Variants in GOLGA4 observed in about 807,000 individuals in gnomAD.
GOLGA4 encodes the protein golgin A4.
In GOLGA4, 169 loss-of-function variants were observed where a neutral mutation model predicts 265.9. That is an observed-to-expected ratio of 0.64 (90% CI 0.56 to 0.72). The LOEUF is 0.72. Ranked by LOEUF, GOLGA4 falls within the 30% of genes least tolerant of loss-of-function variation. The pLI, the probability that GOLGA4 is intolerant of heterozygous loss-of-function variation, is 0.00. For missense variants in GOLGA4, 2,482 were observed against 2,483.4 expected, an observed-to-expected ratio of 1.00 and a Z score of 0.01; for synonymous variants, 923 against 855.8, an observed-to-expected ratio of 1.08 and a Z score of -1.37.
In GOLGA4 at chr3:37,282,274, T is replaced by C. The variant is rs764745609; in HGVS notation, c.477+2T>C. On this transcript the variant is annotated splice_donor_variant, in intron 3 of 23. Coordinates refer to ENST00000361924, the MANE Select transcript of GOLGA4 (RefSeq NM_002078.5). LOFTEE classifies it high-confidence loss of function. ...AGCTACAGGGGAAAATATTCTGAGG[T>C]AGGAGCATGACCTTTTTGCCTGTAC... 1.9e-6 allele frequency: 3 copies of C among 1,611,322 alleles called. No individual in the cohort carries two copies. Among genetic ancestry groups the C allele is most frequent in the Middle Eastern group, 3.3e-4 (2 of 6,072 alleles).
In GOLGA4 at chr3:37,286,134, C is replaced by CTTTTTTTTTTTTTTTTT. The variant is rs1559383108; in HGVS notation, c.525+76_525+77insTTTTTTTTTTTTTTTTT. The CTTTTTTTTTTTTTTTTT allele has an allele frequency of 3.4e-5, 5 of 145,648 alleles. 2 individuals carry two copies. The highest frequency in any genetic ancestry group is 1.2e-4 in the African/African-American group (3 of 24,232). The allele number at this position is 145,648 out of a possible 1,614,324, so 9.0% of individuals were successfully genotyped here. A position where few individuals can be genotyped will look rare whatever the true frequency, so the allele number is the denominator to read the frequency against. ...AAAGATCTTATATAGTAAGATATTT[C>CTTTTTTTTTTTTTTTTT]TTTCTTTTTTTTTTTTTTTTTTTTT... On this transcript the variant is annotated intron_variant, in intron 4 of 23. Coordinates refer to ENST00000361924, the MANE Select transcript of GOLGA4 (RefSeq NM_002078.5).
intron 19 of GOLGA4, among the ~76,000 whole-genome samples, 167 bp from the exon 20 acceptor site, chr3:37,339,956 GT>G (rs950068698): frequency 2.3e-4 from 34 of 146,680 alleles, no homozygotes; most frequent in Admixed American, 1.0e-3. Flanking sequence ...TTTAGTTTTA[GT>G]TTTTTTTTTC....
chr3:37,267,491 C>T (rs9809041), intron 2 of GOLGA4, among the ~76,000 whole-genome samples: 4,010 of 152,118 alleles, frequency 0.026, 170 homozygotes, highest in African/African-American at 0.091. Context: ...AAGTGACTGG[C>T]GTCATACGGT....
rs556995010 is a variant in GOLGA4, at chr3:37,299,312, A to C, written c.1027A>C (p.Lys343Gln). 1 of 1,612,798 alleles carries C rather than the reference A, an allele frequency of 6.2e-7. No individual in the cohort carries two copies. The highest frequency in any genetic ancestry group is 2.2e-5 in the East Asian group (1 of 44,842). The change falls in exon 9 of 24, where the codon AAA becomes CAA. Residue 343 changes from lysine (K) to glutamine (Q), a missense_variant. This residue lies in a region of GOLGA4 where 1,536 missense variants were observed against 1,483.7 expected (regional missense o/e 1.04). Coordinates refer to ENST00000361924, the MANE Select transcript of GOLGA4 (RefSeq NM_002078.5). ...GGACCTTCATATGGCCGAGAAGACT[A>C]AACTTATCACTCAGTTGCGTGATGC... ...IKDLHMAEKT[K>Q]LITQLRDAKN...
At chr3:37,270,117 C>T (rs976991407) in intron 2 of GOLGA4, among the ~76,000 whole-genome samples, 4 of 150,700 alleles carry the variant, frequency 2.7e-5, no homozygotes, top group African/African-American at 9.8e-5. Flanking sequence ...TGGTCTTGAA[C>T]TCCTGACCTC....
chr3:37,319,214 T>C lies in GOLGA4; in HGVS notation c.1545+20T>C. 1.3e-6 allele frequency: 2 copies of C among 1,584,504 alleles called. No individual in the cohort carries two copies. Among genetic ancestry groups the C allele is most frequent in the Non-Finnish European group, 8.6e-7 (1 of 1,166,706 alleles). ...GCTCTTGTAAGTGACTATTTTTTTT[T>C]TTCTGCTATAGGTATACTTCTCAGA... On this transcript the variant is annotated intron_variant, in intron 12 of 23. Transcript: ENST00000361924.
In GOLGA4 at chr3:37,323,867, GA is replaced by G; in HGVS notation, c.1982del (p.Glu661GlyfsTer8). 1 of 1,612,278 alleles carries G rather than the reference GA, an allele frequency of 6.2e-7. No individual in the cohort carries two copies. Among genetic ancestry groups the G allele is most frequent in the Non-Finnish European group, 8.5e-7 (1 of 1,179,634 alleles). The stretch of plus-strand genomic sequence containing the variant: ...AAAAGAAACATTGTTGAAAGACAAA[GA>G]GATTATCTTCCAGGCCCACATAGAA... ...QEKETLLKDK[E>X]IIFQAHIEEM... On this transcript the variant is annotated frameshift_variant, in exon 14 of 24. Transcript: ENST00000361924. LOFTEE classifies it high-confidence loss of function.
At chr3:37,341,524 C>T (rs899338436) in intron 20 of GOLGA4, 1 of 152,052 alleles carries the variant, frequency 6.6e-6, no homozygotes, top group African/African-American at 2.4e-5. Flanking sequence ...AACTGGAGCT[C>T]CTCAAAAAGA....
At position 37,338,282 on chromosome 3, in the gene GOLGA4, G is replaced by T. The variant is rs540726190; in HGVS notation, c.6396+548G>T. On this transcript the variant is annotated intron_variant, in intron 19 of 23. Transcript: ENST00000361924. Reference sequence around the variant, plus strand: ...GCTAAGTTTGAAGGCTAAATCTCCTGGGATTTTCCCAGTTCTTTTAAAATT... The same window carrying T: ...GCTAAGTTTGAAGGCTAAATCTCCTTGGATTTTCCCAGTTCTTTTAAAATT... 5.3e-5 allele frequency among the ~76,000 whole-genome samples: 8 copies of T among 152,212 alleles called. No homozygotes were observed. In the East Asian group the frequency reaches 1.5e-3, roughly 29 times the overall value.
chr3:37,302,467 G>C (rs1043521463), intron 10 of GOLGA4, 135 bp downstream of exon 10: 4 of 763,696 alleles, frequency 5.2e-6, no homozygotes, highest in Non-Finnish European at 8.3e-6. Flanking sequence ...ACACCCATCT[G>C]CTCATTAGAG....
In GOLGA4 at chr3:37,355,124, C is replaced by T. The variant is rs778162890; in HGVS notation, c.6600C>T (p.Thr2200=). The T allele has an allele frequency of 3.1e-5, 49 of 1,604,308 alleles. No homozygotes were observed. In the Middle Eastern group the frequency reaches 1.7e-3, roughly 54 times the overall value. Residue 2200 remains threonine, a synonymous_variant, in exon 22 of 24, where the codon ACC becomes ACT. Coordinates refer to ENST00000361924, the MANE Select transcript of GOLGA4 (RefSeq NM_002078.5). Reference sequence around the variant, plus strand: ...AGACCATGGCAAAAGTTATAACCACCGTACTGAAGTTCCCTGATGATCAGA... The same window carrying T: ...AGACCATGGCAAAAGTTATAACCACTGTACTGAAGTTCCCTGATGATCAGA... The part of the protein sequence containing the change: ...ETKTMAKVIT[T]VLKFPDDQTQ...
intron 2 of GOLGA4, among the ~76,000 whole-genome samples, chr3:37,257,817 C>G (rs536547332): frequency 6.7e-6 from 1 of 149,614 alleles, no homozygotes; most frequent in South Asian, 2.1e-4. Context: ...CATTGTTATC[C>G]TGGGGCCTTA....
In GOLGA4 at chr3:37,275,975, A is replaced by G. The variant is rs866930196; in HGVS notation, c.163-5983A>G. The G allele has an allele frequency of 1.2e-5, 20 of 1,613,412 alleles. No homozygotes were observed. In the Middle Eastern group the frequency reaches 5.2e-4, roughly 42 times the overall value. Reference sequence around the variant, plus strand: ...TGACGAAAAGAAGAAAGAACCTGCAATTACATCGCAGAACAGCCCTGAGGC... The same window carrying G: ...TGACGAAAAGAAGAAAGAACCTGCAGTTACATCGCAGAACAGCCCTGAGGC... On this transcript the variant is annotated intron_variant, in intron 2 of 23. Transcript: ENST00000361924.
intron 2 of GOLGA4, among the ~76,000 whole-genome samples, chr3:37,251,849 A>G (rs908177178): frequency 9.2e-5 from 14 of 152,090 alleles, no homozygotes; most frequent in African/African-American, 3.4e-4. Context: ...CTGCCTGGCT[A>G]ACGTTTAAAT....
At chr3:37,258,163 CTA>C (rs575867950) in intron 2 of GOLGA4, among the ~76,000 whole-genome samples, 9 of 138,080 alleles carry the variant, frequency 6.5e-5, no homozygotes, top group Non-Finnish European at 1.2e-4. Context: ...TATATGTATG[CTA>C]TATATATAGC....
chr3:37,269,974 A>G (rs1420553267), intron 2 of GOLGA4, among the ~76,000 whole-genome samples: 2 of 143,150 alleles, frequency 1.4e-5, no homozygotes, highest in Non-Finnish European at 3.0e-5. Flanking sequence ...GCTCACTGCA[A>G]TCTCTGCCTC....
chr3:37,268,012 AT>A (rs1392266724), intron 2 of GOLGA4, among the ~76,000 whole-genome samples: 1 of 152,160 alleles, frequency 6.6e-6, no homozygotes, highest in Admixed American at 6.5e-5. Context: ...GTAATATCTC[AT>A]TGTTTTAAAA....
intron 12 of GOLGA4, 68 bp downstream of exon 12, chr3:37,319,262 A>C: frequency 7.8e-7 from 1 of 1,277,154 alleles, no homozygotes; most frequent in South Asian, 1.5e-5. Flanking sequence ...TCATCCTCTC[A>C]CTGTTGCATT....
chr3:37,266,997 A>G, intron 2 of GOLGA4: 1 of 762,088 alleles, frequency 1.3e-6, no homozygotes, highest in Admixed American at 2.5e-5. Context: ...GTAATTTGGC[A>G]ATTGTAGAAG....
Sources: gnomAD v4.1 joint callset for allele counts (sites outside exome capture counted in the v4.1 genomes callset) on GRCh38, gnomAD v4.1.1 for gene constraint, gnomAD v4.1.1 regional missense constraint, MANE v1.5 for transcripts, NCBI Gene and HGNC (gene_info 2026-07-23, HGNC 2026-07-21) for gene names.